The following CNTN3 variants were observed in gnomAD, a reference collection of about 807,000 sequenced individuals.
The protein encoded by CNTN3 is contactin-3.
CNTN3 carries 60 observed loss-of-function variants against 119.1 expected under a neutral mutation model. That is an observed-to-expected ratio of 0.50 (90% CI 0.41 to 0.62). The LOEUF (loss-of-function observed/expected upper bound fraction) is 0.62, where lower values mean the gene tolerates loss of function less well. Ranked by LOEUF, CNTN3 falls within the 20% of genes least tolerant of loss-of-function variation. CNTN3 has a pLI of 0.00. For synonymous variants in CNTN3, 450 were observed against 438.7 expected, an observed-to-expected ratio of 1.03 and a Z score of -0.32; for missense variants, 1,101 against 1,242.4, an observed-to-expected ratio of 0.89 and a Z score of 1.71.
chr3:74,321,553 A>G (rs1375940041), intron 13 of CNTN3, among the ~76,000 whole-genome samples: 1 of 152,110 alleles, frequency 6.6e-6, no homozygotes, highest in African/African-American at 2.4e-5. Context: ...AAAAAAATCA[A>G]CAGTGAAAAT....
chr3:74,485,770 TA>T (rs1411228092), intron 4 of CNTN3, among the ~76,000 whole-genome samples: 2 of 150,200 alleles, frequency 1.3e-5, no homozygotes, highest in East Asian at 4.0e-4. Flanking sequence ...TAAGCAAAGA[TA>T]AAAAATAAAT....
chr3:74,419,463 AG>A (rs1482781335), intron 5 of CNTN3, among the ~76,000 whole-genome samples: 1 of 152,220 alleles, frequency 6.6e-6, no homozygotes, highest in Non-Finnish European at 1.5e-5. Context: ...TGTTGCTAAC[AG>A]TTCTCACCTT....
intron 5 of CNTN3, among the ~76,000 whole-genome samples, chr3:74,404,409 G>T (rs749108026): frequency 6.6e-6 from 1 of 151,962 alleles, no homozygotes; most frequent in African/African-American, 2.4e-5. Context: ...CTGTTACTCT[G>T]GTTTATCTAA....
chr3:74,394,266 T>C (rs1417286658), intron 5 of CNTN3, among the ~76,000 whole-genome samples: 1 of 152,160 alleles, frequency 6.6e-6, no homozygotes, highest in Non-Finnish European at 1.5e-5. Context: ...CTGCATCTGA[T>C]TAGTGGAAAT....
intron 3 of CNTN3, among the ~76,000 whole-genome samples, chr3:74,496,862 T>C (rs1703074428): frequency 1.3e-5 from 2 of 151,988 alleles, no homozygotes; most frequent in African/African-American, 2.4e-5. Context: ...TTCTGAACTT[T>C]TGGATTTCCA....
intron 4 of CNTN3, among the ~76,000 whole-genome samples, chr3:74,461,886 C>A (rs191612579): frequency 3.3e-5 from 5 of 152,104 alleles, no homozygotes; most frequent in Admixed American, 3.3e-4. Context: ...CAATACTGAC[C>A]ACATGGATAT....
intron 1 of CNTN3, among the ~76,000 whole-genome samples, chr3:74,571,753 T>G (rs528910557): frequency 1.2e-4 from 19 of 152,312 alleles, no homozygotes; most frequent in African/African-American, 4.6e-4. Flanking sequence ...ATTTTATACT[T>G]AGAAACTGGG....
At chr3:74,483,315 CT>C (rs1226780899) in intron 4 of CNTN3, among the ~76,000 whole-genome samples, 5 of 152,062 alleles carry the variant, frequency 3.3e-5, no homozygotes, top group African/African-American at 1.2e-4. Flanking sequence ...CTTCACTCAC[CT>C]TATGTATCCT....
At chr3:74,488,351 G>A (rs1277789165) in intron 3 of CNTN3, among the ~76,000 whole-genome samples, 1 of 152,088 alleles carries the variant, frequency 6.6e-6, no homozygotes, top group East Asian at 1.9e-4. Context: ...CTGACCTCGT[G>A]ATCCGCCCAG....
intron 1 of CNTN3, among the ~76,000 whole-genome samples, chr3:74,557,815 T>C (rs1474833974): frequency 6.6e-6 from 1 of 152,018 alleles, no homozygotes; most frequent in Admixed American, 6.6e-5. Context: ...CATTTCCACC[T>C]TGAGGCCAGC....
At chr3:74,576,541 T>C (rs987293448) in intron 1 of CNTN3, among the ~76,000 whole-genome samples, 3 of 152,148 alleles carry the variant, frequency 2.0e-5, no homozygotes, top group Non-Finnish European at 4.4e-5. Context: ...TGAAATTACA[T>C]TAATCATTTA....
At chr3:74,575,499 C>T (rs1157696307) in intron 1 of CNTN3, among the ~76,000 whole-genome samples, 1 of 151,934 alleles carries the variant, frequency 6.6e-6, no homozygotes, top group Non-Finnish European at 1.5e-5. Flanking sequence ...ATCTGCCCAC[C>T]TCAGCCTCCC....
chr3:74,556,540 A>C (rs1036319005), intron 1 of CNTN3, among the ~76,000 whole-genome samples: 1 of 152,142 alleles, frequency 6.6e-6, no homozygotes, highest in Non-Finnish European at 1.5e-5. Flanking sequence ...TTCATTCATA[A>C]GTTGATGGAC....
At chr3:74,546,107 T>G (rs552229306) in intron 1 of CNTN3, among the ~76,000 whole-genome samples, 63 of 152,258 alleles carry the variant, frequency 4.1e-4, no homozygotes, top group African/African-American at 1.4e-3. Context: ...GCCATTCTCC[T>G]GCCTCAGCCT....
intron 1 of CNTN3, among the ~76,000 whole-genome samples, chr3:74,588,390 A>C (rs1237689349): frequency 2.0e-5 from 3 of 152,126 alleles, no homozygotes; most frequent in East Asian, 1.9e-4. Flanking sequence ...TAGGAATCCA[A>C]CGTACAAGGG....
chr3:74,500,207 T>G (rs1703142408), intron 2 of CNTN3, among the ~76,000 whole-genome samples: 1 of 152,148 alleles, frequency 6.6e-6, no homozygotes, highest in Non-Finnish European at 1.5e-5. Context: ...TTAAGCTTGA[T>G]AATGTTATTT....
Position 74,399,219 on chromosome 3 carries a change from T to C in CNTN3, c.454+25626A>G, listed in dbSNP as rs374684172. 1.6e-3 allele frequency among the ~76,000 whole-genome samples: 248 copies of C among 152,252 alleles called. 3 individuals carry two copies. The South Asian group carries it at 0.034, about 21-fold the overall frequency. The stretch of plus-strand genomic sequence containing the variant: ...GTAAACTTGTGTCATGTGGGTGTGT[T>C]GTACAGATTATTTCATCACCCAGGT... On this transcript the variant is annotated intron_variant, in intron 5 of 22. Coordinates refer to ENST00000263665, the MANE Select transcript of CNTN3 (RefSeq NM_020872.3).
At chr3:74,432,715 T>G (rs1701804227) in intron 4 of CNTN3, among the ~76,000 whole-genome samples, 1 of 152,254 alleles carries the variant, frequency 6.6e-6, no homozygotes, top group Non-Finnish European at 1.5e-5. Context: ...CTTAGTTATC[T>G]TCGGTATCAG....
chr3:74,526,033 AT>A (rs1462822138), intron 1 of CNTN3, among the ~76,000 whole-genome samples: 1 of 151,874 alleles, frequency 6.6e-6, no homozygotes, highest in Non-Finnish European at 1.5e-5. Flanking sequence ...ATTTGGCAAC[AT>A]TTCTTTCAGA....
Sources: allele counts gnomAD v4.1 joint callset (sites outside exome capture counted in the v4.1 genomes callset), GRCh38; gene constraint gnomAD v4.1.1; transcripts MANE v1.5; gene names NCBI Gene and HGNC (gene_info 2026-07-23, HGNC 2026-07-21).